SPATA13: variants seen among roughly 807,000 people sequenced by gnomAD.
SPATA13 encodes the protein spermatogenesis-associated protein 13.
SPATA13 carries 50 observed loss-of-function variants against 104.0 expected under a neutral mutation model. The observed-to-expected ratio is 0.48, with a 90% CI of 0.38 to 0.61. SPATA13 has a LOEUF of 0.61. SPATA13 is among the 20% of genes least tolerant of loss of function. The pLI is 0.00. For missense variants in SPATA13, 1,524 were observed against 1,690.6 expected, an observed-to-expected ratio of 0.90 and a Z score of 1.73; for synonymous variants, 606 against 667.5, an observed-to-expected ratio of 0.91 and a Z score of 1.42.
intron 4 of SPATA13, among the ~76,000 whole-genome samples, chr13:24,277,078 A>G (rs148714940): frequency 6.6e-6 from 1 of 152,358 alleles, no homozygotes; most frequent in Non-Finnish European, 1.5e-5. Context: ...ATATACCGTA[A>G]AAGAATTTTG....
At chr13:24,178,686 A>AT (rs1323013692) in intron 1 of SPATA13, among the ~76,000 whole-genome samples, 2 of 152,190 alleles carry the variant, frequency 1.3e-5, no homozygotes, top group Non-Finnish European at 2.9e-5. Flanking sequence ...GTACTGTGCC[A>AT]TTTCTGCCTG....
At chr13:24,288,716 C>G (rs1265043542) in intron 7 of SPATA13, among the ~76,000 whole-genome samples, 1 of 152,160 alleles carries the variant, frequency 6.6e-6, no homozygotes, top group East Asian at 1.9e-4. Context: ...AAACACGTGA[C>G]GACACCAATT....
chr13:24,276,027 G>C (rs150004294), intron 4 of SPATA13, among the ~76,000 whole-genome samples: 1 of 152,266 alleles, frequency 6.6e-6, no homozygotes, highest in East Asian at 1.9e-4. Context: ...GAACTGTTGC[G>C]CACTGTTGGT....
intron 1 of SPATA13, among the ~76,000 whole-genome samples, chr13:24,178,028 G>A (rs1182782616): frequency 1.3e-5 from 2 of 151,472 alleles, no homozygotes; most frequent in East Asian, 2.0e-4. Context: ...GGCAAATTTC[G>A]TTTTTTGTAG....
chr13:24,099,627 T>C (rs746647602), intron 3 of SPATA13, among the ~76,000 whole-genome samples: 3 of 152,160 alleles, frequency 2.0e-5, no homozygotes, highest in East Asian at 1.9e-4. Flanking sequence ...CCGGGTGGTG[T>C]TTCCAGAGAC....
At position 24,161,717 on chromosome 13, in the gene SPATA13, C is replaced by T. The variant is rs1354339731; in HGVS notation, c.-112+785C>T. 6.6e-6 allele frequency among the ~76,000 whole-genome samples: 1 copy of T among 152,198 alleles called. No homozygotes were observed. The highest frequency in any genetic ancestry group is 1.5e-5 in the Non-Finnish European group (1 of 68,038). ...GGAAAACCAAACCAAAGCAAGCAAA[C>T]AAAACCCTGTGGGTCATTTGCTTCC... On this transcript the variant is annotated intron_variant, in intron 1 of 12. Coordinates refer to ENST00000382108, the MANE Select transcript of SPATA13 (RefSeq NM_001166271.3). This position sits in a 1 kb window ranked among gnomAD's most constrained non-coding sequence, Gnocchi z 4.5.
rs1247179246 is a variant in SPATA13 at position 24,098,710 on chromosome 13, C to T, written c.-112+81009C>T. Among the ~76,000 whole-genome samples, 7 of 151,840 alleles carry T rather than the reference C, an allele frequency of 4.6e-5. No individual in the cohort carries two copies. The South Asian group carries it at 6.2e-4, about 14-fold the overall frequency. Reference sequence around the variant, plus strand: ...TTGGAAGGCTGAGGCAGGTGGATCACGAGGTCAAGAGATCGAGACCATCCT... The same window carrying T: ...TTGGAAGGCTGAGGCAGGTGGATCATGAGGTCAAGAGATCGAGACCATCCT... On this transcript the variant is annotated intron_variant, in intron 3 of 14. Transcript: ENST00000424834.
chr13:23,994,950 G>A (rs1194043809), intron 2 of SPATA13, among the ~76,000 whole-genome samples: 2 of 152,156 alleles, frequency 1.3e-5, no homozygotes, highest in African/African-American at 4.8e-5. Flanking sequence ...TGAACTAGGG[G>A]TGATTTTACC....
intron 3 of SPATA13, chr13:24,122,955 G>C: frequency 1.3e-6 from 1 of 783,130 alleles, no homozygotes; most frequent in Non-Finnish European, 2.4e-6. Context: ...AAGCGTGTCA[G>C]GTGTATTCAG....
intron 1 of SPATA13, among the ~76,000 whole-genome samples, chr13:24,168,200 A>G (rs1326148935): frequency 6.6e-6 from 1 of 152,216 alleles, no homozygotes; most frequent in Non-Finnish European, 1.5e-5. Context: ...CAGGACTGTA[A>G]GACTTGAGTA....
intron 3 of SPATA13, among the ~76,000 whole-genome samples, chr13:24,136,907 G>T (rs56224822): frequency 2.6e-5 from 1 of 37,896 alleles, no homozygotes; most frequent in Non-Finnish European, 5.9e-5. Context: ...TCGGCTCACT[G>T]CAAGCTCCGC....
intron 1 of SPATA13, among the ~76,000 whole-genome samples, chr13:24,208,885 T>C (rs7336646): frequency 0.68 from 102,800 of 152,168 alleles, 34,999 homozygotes; most frequent in South Asian, 0.83. Flanking sequence ...GTATTCACTC[T>C]TATACTGAAG....
chr13:24,211,999 A>C (rs949825815), intron 1 of SPATA13, among the ~76,000 whole-genome samples: 14 of 152,288 alleles, frequency 9.2e-5, no homozygotes, highest in African/African-American at 3.4e-4. Flanking sequence ...GAACCTCATC[A>C]GCTGTTCGCC....
chr13:24,066,490 G>C (rs1326764904), intron 3 of SPATA13, among the ~76,000 whole-genome samples: 1 of 152,158 alleles, frequency 6.6e-6, no homozygotes, highest in Non-Finnish European at 1.5e-5. Flanking sequence ...TGGTAGACCA[G>C]CTGCCAAACA....
chr13:24,287,044 A>G, intron 7 of SPATA13, 94 bp downstream of exon 7: 3 of 897,822 alleles, frequency 3.3e-6, no homozygotes, highest in Non-Finnish European at 4.6e-6. Context: ...CCGCCCCCCC[A>G]TCAGGCTCCC....
chr13:24,089,064 A>G (rs1267895016), intron 3 of SPATA13, among the ~76,000 whole-genome samples: 2 of 152,208 alleles, frequency 1.3e-5, no homozygotes, highest in Non-Finnish European at 2.9e-5. Flanking sequence ...AGACAACTCA[A>G]TTGGCAGTTT....
At chr13:24,159,498 C>T (rs1405955338), upstream of SPATA13, among the ~76,000 whole-genome samples, 3 of 152,118 alleles carry the variant, frequency 2.0e-5, no homozygotes, top group African/African-American at 4.8e-5. Flanking sequence ...TACTCCCTCA[C>T]GCCCCTCCCT....
In SPATA13 at chr13:24,303,990, A is replaced by G. The variant is rs1877399274; in HGVS notation, c.*1217A>G. 1 of 152,268 alleles carries G rather than the reference A, an allele frequency of 6.6e-6. No homozygotes were observed. Among genetic ancestry groups the G allele is most frequent in the Admixed American group, 6.5e-5 (1 of 15,288 alleles). The allele number at this position is 152,268 out of a possible 1,614,324, so 9.4% of individuals were successfully genotyped here. On this transcript the variant is annotated 3_prime_UTR_variant, in exon 13 of 13. Coordinates refer to ENST00000382108, the MANE Select transcript of SPATA13 (RefSeq NM_001166271.3). ...TACTGTAATATTTATGATACAGTGA[A>G]TATGAAAATGCACTGGTCAGAAGGC...
At chr13:24,015,737 AG>A (rs1189375223) in intron 2 of SPATA13, among the ~76,000 whole-genome samples, 3 of 17,546 alleles carry the variant, frequency 1.7e-4, no homozygotes, top group Non-Finnish European at 3.8e-4. Context: ...GACCCCTGGC[AG>A]GCCCCCCCCC....
Sources: gnomAD v4.1 joint callset for allele counts (sites outside exome capture counted in the v4.1 genomes callset) on GRCh38, gnomAD v4.1.1 for gene constraint, Gnocchi (gnomAD v3.1) non-coding constraint, MANE v1.5 for transcripts, NCBI Gene and HGNC (gene_info 2026-07-23, HGNC 2026-07-21) for gene names.